OTOA: variants seen among roughly 807,000 people sequenced by gnomAD.
The protein encoded by OTOA is cancer/testis antigen 108.
A neutral mutation model predicts 110.8 loss-of-function variants in OTOA; 70 were observed. The ratio of observed to expected loss-of-function variants is 0.63; its 90% CI spans 0.52 to 0.77. The LOEUF is 0.77. OTOA is among the 30% of genes least tolerant of loss of function. OTOA has a pLI of 0.00. For synonymous variants in OTOA, 373 were observed against 431.5 expected (o/e 0.86, Z 1.68); for missense variants, 917 against 1,075.8 (o/e 0.85, Z 2.06).
rs1318856026 is a variant in OTOA, at chr16:21,752,299, G to C, written c.2919-70G>C. ...TGTGTGTATGTGTGTGTGTGTGTGTGTGTGTTTGTTTGTTTTTGGCTGAAG... is the reference window on the plus strand; with the variant it reads ...TGTGTGTATGTGTGTGTGTGTGTGTCTGTGTTTGTTTGTTTTTGGCTGAAG... On this transcript the variant is annotated intron_variant, in intron 25 of 28. Coordinates refer to ENST00000646100, the MANE Select transcript of OTOA (RefSeq NM_144672.4). The C allele has an allele frequency of 8.4e-6, 7 of 837,556 alleles. No homozygotes were observed. The Admixed American group carries it at 1.0e-4, about 12-fold the overall frequency. The allele number at this position is 837,556 out of a possible 1,614,324, so 51.9% of individuals were successfully genotyped here.
intron 12 of OTOA, 163 bp downstream of exon 12, chr16:21,705,455 C>T (rs1898144382): frequency 9.6e-7 from 1 of 1,037,434 alleles, no homozygotes; most frequent in Non-Finnish European, 1.4e-6. Context: ...GTAAGTGTAA[C>T]ATCGAAGCCC....
At chr16:21,675,053 TTTTCTTTCTGTCTTTCTTTC>T (rs1329540438) in intron 1 of OTOA, among the ~76,000 whole-genome samples, 1 of 142,664 alleles carries the variant, frequency 7.0e-6, no homozygotes, top group Non-Finnish European at 1.5e-5. Context: ...TGAGGTCATG[TTTTCTTTCTGTCTTTCTTTC>T]TTTCTTTCTT....
chr16:21,673,512 T>C (rs1212885959), intron 1 of OTOA, among the ~76,000 whole-genome samples: 1 of 152,202 alleles, frequency 6.6e-6, no homozygotes, highest in Admixed American at 6.5e-5. Flanking sequence ...TCTGCATTTC[T>C]ATAATTTTAT....
chr16:21,715,770 G>T (rs989022419), intron 14 of OTOA, among the ~76,000 whole-genome samples: 2 of 151,684 alleles, frequency 1.3e-5, no homozygotes, highest in Non-Finnish European at 2.9e-5. Flanking sequence ...CTTCTGCTTC[G>T]GCCTCCCAAA....
chr16:21,688,801 C>T (rs117994872), intron 8 of OTOA, among the ~76,000 whole-genome samples: 5 of 152,276 alleles, frequency 3.3e-5, no homozygotes, highest in Non-Finnish European at 5.9e-5. Context: ...TTAATACCTT[C>T]ATGTTGGGAA....
chr16:21,705,521 C>T (rs1209842032), intron 12 of OTOA: 2 of 648,390 alleles, frequency 3.1e-6, no homozygotes, highest in Non-Finnish European at 5.1e-6. Context: ...AATCAGAAAG[C>T]TGTCTCAGCC....
At chr16:21,691,464 C>T (rs982477246) in intron 8 of OTOA, 120 bp from the exon 9 acceptor site, 11 of 782,672 alleles carry the variant, frequency 1.4e-5, no homozygotes, top group African/African-American at 3.4e-5. Flanking sequence ...TCTCCACATC[C>T]AGGAGAGGGA....
At chr16:21,669,155 C>A (rs1401420969) in intron 1 of OTOA, among the ~76,000 whole-genome samples, 1 of 151,950 alleles carries the variant, frequency 6.6e-6, no homozygotes, top group Non-Finnish European at 1.5e-5. Flanking sequence ...ACCAGCCTGG[C>A]CAACATGGTG....
chr16:21,667,447 G>A (rs112294769), intron 1 of OTOA, among the ~76,000 whole-genome samples: 13 of 152,076 alleles, frequency 8.5e-5, no homozygotes, highest in African/African-American at 2.9e-4. Context: ...AAGATCAGGA[G>A]ATCGAGACCA....
At chr16:21,697,932 G>A (rs1897977986) in intron 10 of OTOA, 57 bp downstream of exon 10, 3 of 1,444,696 alleles carry the variant, frequency 2.1e-6, no homozygotes, top group Non-Finnish European at 2.9e-6. Context: ...GGGGTAAGGT[G>A]TATTCTCAAA....
rs1567379578 is a variant in OTOA, at chr16:21,707,649, C to CTTTA, written c.1105-2236_1105-2235insATTT. Among the ~76,000 whole-genome samples, 3 of 110,420 alleles carry CTTTA rather than the reference C, an allele frequency of 2.7e-5. No individual in the cohort carries two copies. In the South Asian group the frequency reaches 8.5e-4, roughly 31 times the overall value. 72.4% of individuals were successfully genotyped at this position (110,420 alleles called of 152,430 possible). A position where few individuals can be genotyped will look rare whatever the true frequency, so the allele number is the denominator to read the frequency against. On this transcript the variant is annotated intron_variant, in intron 12 of 28. Transcript: ENST00000646100. ...TCTTTCTTTCTTTCTTTCTTTCTTT[C>CTTTA]TTTCTTTCTCTTTCTTTCTCTTTCT...
At chr16:21,664,612 G>T (rs887211400) in intron 1 of OTOA, among the ~76,000 whole-genome samples, 6 of 152,068 alleles carry the variant, frequency 3.9e-5, no homozygotes, top group African/African-American at 1.4e-4. Context: ...TGCCAGTGCT[G>T]GGCTTAGTTC....
At chr16:21,687,736 C>T (rs2141661367) in intron 8 of OTOA, 88 bp downstream of exon 8, 7 of 1,136,292 alleles carry the variant, frequency 6.2e-6, no homozygotes, top group South Asian at 2.7e-5. Flanking sequence ...GGTGCAGTCT[C>T]GGCTCACTGC....
intron 12 of OTOA, chr16:21,705,538 G>A (rs139433079): frequency 0.038 from 20,712 of 550,248 alleles, 523 homozygotes; most frequent in South Asian, 0.062. Flanking sequence ...AGCCAGGCGC[G>A]GTGGCTCATG....
chr16:21,666,657 A>G (rs375394136), intron 1 of OTOA, among the ~76,000 whole-genome samples: 90 of 152,148 alleles, frequency 5.9e-4, no homozygotes, highest in African/African-American at 2.2e-3. Context: ...AGTAGTTTTC[A>G]CCACAGGGAT....
intron 21 of OTOA, among the ~76,000 whole-genome samples, chr16:21,734,704 G>A (rs1899228556): frequency 6.6e-6 from 1 of 152,052 alleles, no homozygotes; most frequent in African/African-American, 2.4e-5. Context: ...GGGCGTGGTG[G>A]TGGGCACATG....
At chr16:21,725,660 G>T (rs945127645) in intron 18 of OTOA, among the ~76,000 whole-genome samples, 2 of 152,164 alleles carry the variant, frequency 1.3e-5, no homozygotes, top group Non-Finnish European at 2.9e-5. Flanking sequence ...AGGAGTGTGG[G>T]ATAGCATAGA....
At chr16:21,672,809 C>G (rs1373383876) in intron 1 of OTOA, among the ~76,000 whole-genome samples, 1 of 152,064 alleles carries the variant, frequency 6.6e-6, no homozygotes, top group Non-Finnish European at 1.5e-5. Flanking sequence ...TTATTGTTAA[C>G]TATTGTCATC....
chr16:21,682,853 C>CA (rs1966919615), intron 6 of OTOA, among the ~76,000 whole-genome samples: 1 of 152,184 alleles, frequency 6.6e-6, no homozygotes, highest in African/African-American at 2.4e-5. Flanking sequence ...CAAATATACT[C>CA]AGAGAGCTTG....
Sources: gnomAD v4.1 joint callset for allele counts (sites outside exome capture counted in the v4.1 genomes callset) on GRCh38, gnomAD v4.1.1 for gene constraint, MANE v1.5 for transcripts, NCBI Gene and HGNC (gene_info 2026-07-23, HGNC 2026-07-21) for gene names.